The following CLASP1 variants were observed in gnomAD, a reference collection of about 807,000 sequenced individuals.
CLASP1 encodes the protein cytoplasmic linker associated protein 1.
CLASP1 carries 38 observed loss-of-function variants against 192.3 expected under a neutral mutation model. That is an observed-to-expected ratio of 0.20 (90% CI 0.15 to 0.26). The LOEUF (loss-of-function observed/expected upper bound fraction) is 0.26. Among genes scored for constraint, CLASP1 ranks in the 10% least tolerant of loss-of-function variants. The pLI is 1.00. For synonymous variants in CLASP1, 691 were observed against 712.8 expected, an observed-to-expected ratio of 0.97 and a Z score of 0.49; for missense variants, 1,433 against 1,932.5, an observed-to-expected ratio of 0.74 and a Z score of 4.85.
intron 20 of CLASP1, among the ~76,000 whole-genome samples, chr2:121,429,626 C>A (rs1388673048): frequency 6.6e-6 from 1 of 152,202 alleles, no homozygotes; most frequent in Non-Finnish European, 1.5e-5. Context: ...GAGGTGCGGG[C>A]TGCAAATGTT....
intron 6 of CLASP1, among the ~76,000 whole-genome samples, chr2:121,524,649 GT>G (rs1224791017): frequency 6.6e-6 from 1 of 152,022 alleles, no homozygotes; most frequent in African/African-American, 2.4e-5. Flanking sequence ...TAGAGATGGG[GT>G]TTCACCATGT....
chr2:121,357,157 A>G (rs2065574401), intron 37 of CLASP1, among the ~76,000 whole-genome samples: 1 of 152,234 alleles, frequency 6.6e-6, no homozygotes, highest in South Asian at 2.1e-4. Context: ...GTCAAAAAAT[A>G]CAAGTCGTAT....
intron 25 of CLASP1, 51 bp from the exon 27 acceptor site, chr2:121,404,485 G>A: frequency 6.7e-7 from 1 of 1,499,696 alleles, no homozygotes; most frequent in Non-Finnish European, 9.1e-7. Context: ...TATTATTTTT[G>A]AGACAGGGTC....
chr2:121,548,165 A>C (rs1205676028), intron 2 of CLASP1, among the ~76,000 whole-genome samples: 1 of 152,240 alleles, frequency 6.6e-6, no homozygotes, highest in East Asian at 1.9e-4. Context: ...GAAAGTAAGA[A>C]CCAAAATAAA....
intron 2 of CLASP1, among the ~76,000 whole-genome samples, chr2:121,537,967 A>G (rs563490810): frequency 3.9e-5 from 6 of 152,346 alleles, no homozygotes; most frequent in African/African-American, 1.2e-4. Flanking sequence ...TTCATAAAGG[A>G]TATATTTTTT....
chr2:121,621,857 T>G (rs976611084), intron 1 of CLASP1, among the ~76,000 whole-genome samples: 21 of 152,162 alleles, frequency 1.4e-4, no homozygotes, highest in Admixed American at 2.6e-4. Context: ...TGTTTGTTTG[T>G]TTGTTTATGA....
intron 6 of CLASP1, among the ~76,000 whole-genome samples, chr2:121,522,686 C>A (rs192190936): frequency 6.6e-6 from 1 of 152,230 alleles, no homozygotes; most frequent in African/African-American, 2.4e-5. Flanking sequence ...AGTCCAGGAG[C>A]ACCTGATTTT....
intron 33 of CLASP1, among the ~76,000 whole-genome samples, chr2:121,379,596 A>G (rs1338442645): frequency 6.6e-6 from 1 of 152,240 alleles, no homozygotes; most frequent in Non-Finnish European, 1.5e-5. Context: ...ATGCCTTAAA[A>G]TACTTTTAAT....
At chr2:121,529,051 G>A (rs975445565) in intron 3 of CLASP1, among the ~76,000 whole-genome samples, 6 of 152,130 alleles carry the variant, frequency 3.9e-5, no homozygotes, top group African/African-American at 1.4e-4. Flanking sequence ...CAACGTATTT[G>A]TAAGCTGATA....
intron 2 of CLASP1, chr2:121,530,549 T>G: frequency 1.8e-6 from 1 of 550,480 alleles, no homozygotes; most frequent in South Asian, 2.5e-5. Context: ...AGAAACGAAA[T>G]AAAAGGCAAT....
intron 8 of CLASP1, among the ~76,000 whole-genome samples, chr2:121,486,326 G>A (rs545988686): frequency 2.0e-5 from 3 of 152,264 alleles, no homozygotes; most frequent in African/African-American, 7.2e-5. Flanking sequence ...GCAACACTAA[G>A]GGATGTGAAT....
chr2:121,587,704 G>A (rs1237965088), intron 2 of CLASP1, among the ~76,000 whole-genome samples: 3 of 151,658 alleles, frequency 2.0e-5, no homozygotes, highest in African/African-American at 4.8e-5. Context: ...ACTGGCACAC[G>A]CCTGTAGTCC....
At chr2:121,546,714 G>A (rs1303049727) in intron 2 of CLASP1, among the ~76,000 whole-genome samples, 3 of 152,112 alleles carry the variant, frequency 2.0e-5, no homozygotes, top group African/African-American at 4.8e-5. Context: ...ACAGAGACCC[G>A]AGAGCCTTAG....
Position 121,617,905 on chromosome 2 carries a change from TC to T in CLASP1, c.-285-11726del, listed in dbSNP as rs1187336437. Among the ~76,000 whole-genome samples, 9 of 152,346 alleles carry T rather than the reference TC, an allele frequency of 5.9e-5. No homozygotes were observed. In the East Asian group the frequency reaches 1.5e-3, roughly 26 times the overall value. Reference sequence around the variant, plus strand: ...TGAGCTCTAGTCATATACGCTGGCCTCCTTTTGGTTCCAAACTCTTTACTAC... The same window carrying T: ...TGAGCTCTAGTCATATACGCTGGCCTCTTTTGGTTCCAAACTCTTTACTAC... On this transcript the variant is annotated intron_variant, in intron 1 of 39. Transcript: ENST00000263710.
At chr2:121,350,132 C>T (rs900277658) in intron 37 of CLASP1, among the ~76,000 whole-genome samples, 2 of 152,244 alleles carry the variant, frequency 1.3e-5, no homozygotes, top group African/African-American at 4.8e-5. Flanking sequence ...TGCCTACTGC[C>T]AGCCCTGACT....
At chr2:121,460,245 T>C (rs892325838) in intron 11 of CLASP1, 120 bp from the exon 12 acceptor site, 33 of 735,828 alleles carry the variant, frequency 4.5e-5, no homozygotes, top group Non-Finnish European at 6.5e-5. Flanking sequence ...TTAGAAAGCT[T>C]TCCCAAAAGA....
chr2:121,639,007 T>C (rs1236028506), intron 1 of CLASP1, among the ~76,000 whole-genome samples: 1 of 152,006 alleles, frequency 6.6e-6, no homozygotes, highest in African/African-American at 2.4e-5. Flanking sequence ...CCAGGTGCGG[T>C]GGCTCACGCC....
chr2:121,648,932 C>A (rs1294967852), intron 1 of CLASP1, among the ~76,000 whole-genome samples: 2 of 152,198 alleles, frequency 1.3e-5, no homozygotes, highest in East Asian at 3.9e-4. Context: ...CTGGATCTTT[C>A]TTCACACCCA....
At chr2:121,373,324 G>A (rs550025885) in intron 34 of CLASP1, among the ~76,000 whole-genome samples, 33 of 152,224 alleles carry the variant, frequency 2.2e-4, no homozygotes, top group South Asian at 2.1e-4. Context: ...CCAGGCCTCC[G>A]GTATAGTCTG....
Sources: gnomAD v4.1 joint callset for allele counts (sites outside exome capture counted in the v4.1 genomes callset) on GRCh38, gnomAD v4.1.1 for gene constraint, MANE v1.5 for transcripts, NCBI Gene and HGNC (gene_info 2026-07-23, HGNC 2026-07-21) for gene names.